The following TCF7L1 variants were observed in gnomAD, a reference collection of about 807,000 sequenced individuals.
TCF7L1 encodes transcription factor 7-like 1.
Under a neutral mutation model 63.7 loss-of-function variants are expected in TCF7L1, and 18 were observed. That is an observed-to-expected ratio of 0.28 (90% CI 0.20 to 0.42). TCF7L1 has a LOEUF of 0.42. Among genes scored for constraint, TCF7L1 ranks in the 10% least tolerant of loss-of-function variants. The probability of loss-of-function intolerance (pLI) is 1.00; values close to 1 mark genes in which losing one functional copy is unlikely to be tolerated. For missense variants in TCF7L1, 654 were observed against 779.3 expected (o/e 0.84, Z 1.91); for synonymous variants, 355 against 340.9 (o/e 1.04, Z -0.46).
In TCF7L1 at chr2:85,134,152, CG is replaced by C; in HGVS notation, c.313+74del. Reference sequence around the variant, plus strand: ...CCGCTGCTCAGCCCGGGCGGCCCACCGTCCCCCTTGCTTGGGTGGACGCACC... The same window carrying C: ...CCGCTGCTCAGCCCGGGCGGCCCACCTCCCCCTTGCTTGGGTGGACGCACC... On this transcript the variant is annotated intron_variant, in intron 2 of 11. Coordinates refer to ENST00000282111, the MANE Select transcript of TCF7L1 (RefSeq NM_031283.3). The surrounding 1 kb of genome is among the most constrained non-coding windows in gnomAD (Gnocchi z 5.0). 1 of 1,569,464 alleles carries C rather than the reference CG, an allele frequency of 6.4e-7. No individual in the cohort carries two copies. Among genetic ancestry groups the C allele is most frequent in the Non-Finnish European group, 8.7e-7 (1 of 1,155,496 alleles).
chr2:85,140,291 T>G (rs533700024), intron 3 of TCF7L1, among the ~76,000 whole-genome samples: 76 of 152,266 alleles, frequency 5.0e-4, no homozygotes, highest in African/African-American at 1.8e-3. Context: ...GGAGGAACCC[T>G]CGGTTTCATT....
intron 3 of TCF7L1, among the ~76,000 whole-genome samples, chr2:85,235,678 G>GGCAAGA (rs985949411): frequency 1.3e-5 from 2 of 152,112 alleles, no homozygotes; most frequent in African/African-American, 2.4e-5. Context: ...TAAGGGCAAG[G>GGCAAGA]GCAAAACAGG....
At chr2:85,255,392 A>G (rs1335096501) in intron 3 of TCF7L1, among the ~76,000 whole-genome samples, 1 of 152,020 alleles carries the variant, frequency 6.6e-6, no homozygotes, top group Non-Finnish European at 1.5e-5. Context: ...TGTGTTTCCA[A>G]GTTCATGCCT....
At chr2:85,252,720 C>A (rs1403793021) in intron 3 of TCF7L1, among the ~76,000 whole-genome samples, 1 of 152,178 alleles carries the variant, frequency 6.6e-6, no homozygotes, top group African/African-American at 2.4e-5. Context: ...CCAAGCAGCC[C>A]CTACCACAAG....
At chr2:85,240,545 G>A (rs1291550136) in intron 3 of TCF7L1, among the ~76,000 whole-genome samples, 1 of 151,938 alleles carries the variant, frequency 6.6e-6, no homozygotes, top group East Asian at 1.9e-4. Flanking sequence ...GCCAAGGTGG[G>A]TGGATCGCCT....
chr2:85,288,847 G>C (rs1681621368), intron 4 of TCF7L1, among the ~76,000 whole-genome samples: 1 of 152,158 alleles, frequency 6.6e-6, no homozygotes, highest in African/African-American at 2.4e-5. Context: ...CCAGGTGCCT[G>C]TCTTCCCTCC....
intron 3 of TCF7L1, among the ~76,000 whole-genome samples, chr2:85,243,206 T>C (rs1362815066): frequency 6.6e-6 from 1 of 152,184 alleles, no homozygotes; most frequent in Admixed American, 6.5e-5. Flanking sequence ...CTCGGCGCCA[T>C]TACATGCCTG....
At chr2:85,200,480 A>G (rs1245210337) in intron 3 of TCF7L1, among the ~76,000 whole-genome samples, 1 of 152,364 alleles carries the variant, frequency 6.6e-6, no homozygotes, top group East Asian at 1.9e-4. Flanking sequence ...AAGAGAAAAT[A>G]CTGTATTAAT....
intron 3 of TCF7L1, among the ~76,000 whole-genome samples, chr2:85,192,760 G>T (rs1679063195): frequency 6.7e-6 from 1 of 150,192 alleles, no homozygotes; most frequent in East Asian, 2.0e-4. Context: ...TTGCAACCTT[G>T]AACTCCTGGG....
rs996652608 is a variant in TCF7L1, at chr2:85,286,059, C to T, written c.525+2481C>T. Among the ~76,000 whole-genome samples, 103 of 151,966 alleles carry T rather than the reference C, an allele frequency of 6.8e-4. 1 individual carries two copies. Among genetic ancestry groups the T allele is most frequent in the African/African-American group, 2.4e-3 (99 of 41,446 alleles). Reference sequence around the variant, plus strand: ...ATACAAAATTAGCCAGGCATGGTGGCGCATACCTGTAATCTCAACTACTCA... The same window carrying T: ...ATACAAAATTAGCCAGGCATGGTGGTGCATACCTGTAATCTCAACTACTCA... On this transcript the variant is annotated intron_variant, in intron 4 of 11. Coordinates refer to ENST00000282111, the MANE Select transcript of TCF7L1 (RefSeq NM_031283.3).
rs1379922770 is a variant in TCF7L1, at chr2:85,134,117, C to T, written c.313+38C>T. The T allele has an allele frequency of 6.3e-7, 1 of 1,599,978 alleles. No individual in the cohort carries two copies. The highest frequency in any genetic ancestry group is 2.3e-5 in the East Asian group (1 of 44,012). ...TGGGACAGCCCCCCACTCTCGATTC[C>T]CGCTGCGCTCCGCTGCTCAGCCCGG... is the stretch of plus-strand genomic sequence containing the variant. On this transcript the variant is annotated intron_variant, in intron 2 of 11. Coordinates refer to ENST00000282111, the MANE Select transcript of TCF7L1 (RefSeq NM_031283.3). This position sits in a 1 kb window ranked among gnomAD's most constrained non-coding sequence, Gnocchi z 5.0.
intron 4 of TCF7L1, among the ~76,000 whole-genome samples, chr2:85,289,759 C>A (rs944201298): frequency 7.2e-5 from 11 of 152,078 alleles, no homozygotes; most frequent in African/African-American, 2.4e-4. Flanking sequence ...GCAACCTCCA[C>A]CTCCTGGGTT....
At chr2:85,286,784 T>C (rs1482413010) in intron 4 of TCF7L1, among the ~76,000 whole-genome samples, 1 of 152,164 alleles carries the variant, frequency 6.6e-6, no homozygotes, top group Admixed American at 6.5e-5. Context: ...CGTGAGCCAC[T>C]GCGCCTGGCC....
chr2:85,211,906 A>G (rs1223760606), intron 3 of TCF7L1, among the ~76,000 whole-genome samples: 1 of 152,134 alleles, frequency 6.6e-6, no homozygotes, highest in African/African-American at 2.4e-5. Flanking sequence ...CCTGGCCAAC[A>G]TGATGAAACC....
chr2:85,206,878 G>C (rs1679421338), intron 3 of TCF7L1, among the ~76,000 whole-genome samples: 1 of 152,188 alleles, frequency 6.6e-6, no homozygotes, highest in Non-Finnish European at 1.5e-5. Context: ...AATCTTTTAA[G>C]GATTTGTTTT....
At chr2:85,266,499 A>C (rs1011060553) in intron 3 of TCF7L1, among the ~76,000 whole-genome samples, 6 of 152,232 alleles carry the variant, frequency 3.9e-5, no homozygotes, top group African/African-American at 1.4e-4. Flanking sequence ...ATTTTCCTTG[A>C]CGGCTTGATG....
chr2:85,217,690 A>G (rs1314059761), intron 3 of TCF7L1, among the ~76,000 whole-genome samples: 2 of 152,322 alleles, frequency 1.3e-5, no homozygotes, highest in East Asian at 3.9e-4. Flanking sequence ...AATACCCTGT[A>G]TAGGCCAAGT....
At chr2:85,200,111 C>T (rs1679240709) in intron 3 of TCF7L1, among the ~76,000 whole-genome samples, 2 of 152,186 alleles carry the variant, frequency 1.3e-5, no homozygotes, top group Non-Finnish European at 2.9e-5. Context: ...GATAATATCC[C>T]ATCGTGTGGA....
intron 3 of TCF7L1, among the ~76,000 whole-genome samples, chr2:85,279,421 TAAAC>T (rs913427137): frequency 6.9e-6 from 1 of 145,658 alleles, no homozygotes; most frequent in Non-Finnish European, 1.5e-5. Context: ...AATAAATAAA[TAAAC>T]AGAAGCACTT....
Sources: gnomAD v4.1 joint callset for allele counts (sites outside exome capture counted in the v4.1 genomes callset) on GRCh38, gnomAD v4.1.1 for gene constraint, Gnocchi (gnomAD v3.1) non-coding constraint, MANE v1.5 for transcripts, NCBI Gene and HGNC (gene_info 2026-07-23, HGNC 2026-07-21) for gene names.